AMOT: variants seen among roughly 807,000 people sequenced by gnomAD.
AMOT encodes the protein angiomotin.
A neutral mutation model predicts 67.0 loss-of-function variants in AMOT; 11 were observed. The observed-to-expected ratio is 0.16, with a 90% confidence interval of 0.10 to 0.27. AMOT has a LOEUF of 0.27. Ranked by LOEUF, AMOT falls within the 10% of genes least tolerant of loss-of-function variation. The probability of loss-of-function intolerance (pLI) is 1.00; values close to 1 mark genes in which losing one functional copy is unlikely to be tolerated. For synonymous variants in AMOT, 326 were observed against 321.4 expected (o/e 1.01, Z -0.15); for missense variants, 753 against 852.0 (o/e 0.88, Z 1.45).
At chrX:112,838,991 A>C (rs1029050175) in intron 1 of AMOT, among the ~76,000 whole-genome samples, 2 of 112,628 alleles carry the variant, frequency 1.8e-5, no homozygotes, top group Admixed American at 9.4e-5. Flanking sequence ...CAGGCCAGTT[A>C]TAAAATGTAG....
intron 11 of AMOT, among the ~76,000 whole-genome samples, chrX:112,781,818 C>T (rs953056677): frequency 8.9e-6 from 1 of 111,772 alleles, no homozygotes; most frequent in Non-Finnish European, 1.9e-5. Context: ...CGACAACCTG[C>T]AGGTAGTAAG....
At chrX:112,785,133 C>T (rs1296801222) in intron 10 of AMOT, among the ~76,000 whole-genome samples, 1 of 112,028 alleles carries the variant, frequency 8.9e-6, no homozygotes, top group Non-Finnish European at 1.9e-5. Flanking sequence ...TCCAATACTC[C>T]AAGACGTTCT....
At chrX:112,839,410 T>C (rs1935228469) in intron 1 of AMOT, among the ~76,000 whole-genome samples, 1 of 112,191 alleles carries the variant, frequency 8.9e-6, no homozygotes, top group Admixed American at 9.4e-5. Context: ...CCTTCATCAT[T>C]GAAGATTATG....
chrX:112,785,260 T>C (rs1324027532), intron 10 of AMOT, among the ~76,000 whole-genome samples: 2 of 112,234 alleles, frequency 1.8e-5, no homozygotes, highest in Non-Finnish European at 3.8e-5. Context: ...AGTAAACAGT[T>C]TGTCATCTTC....
In AMOT at chrX:112,822,675, C is replaced by G; in HGVS notation, c.452G>C (p.Arg151Pro). 1 of 1,166,483 alleles carries G rather than the reference C, an allele frequency of 8.6e-7. No homozygotes were observed. The highest frequency in any genetic ancestry group is 1.1e-6 in the Non-Finnish European group (1 of 872,954). ...TTGGTGCATCTTTCCAGGATTGAGC[C>G]GCTGAACTGATGGGCGTCCCTCAGT... ...MRTEGRPSVQ[R>P]LNPGKMHQDE... Residue 151 changes from arginine (R) to proline (P), a missense_variant, in exon 4 of 14, where the codon CGG becomes CCG. Arg to Pro is a moderately radical substitution (Grantham distance 103, BLOSUM62 -2). Transcript: ENST00000371959.
Position 112,779,687 on chromosome X carries a change from A to G in AMOT, c.2474-7T>C, listed in dbSNP as rs374061053. 4 of 1,164,709 alleles carry G rather than the reference A, an allele frequency of 3.4e-6. No individual in the cohort carries two copies. In the African/African-American group the frequency reaches 7.1e-5, roughly 21 times the overall value. Reference sequence around the variant, plus strand: ...TCTCCACCCAGGAGAATGCCTACAAATGAAAGAGGAACAGATGTTAGAAAA... The same window carrying G: ...TCTCCACCCAGGAGAATGCCTACAAGTGAAAGAGGAACAGATGTTAGAAAA... On this transcript the variant is annotated splice_polypyrimidine_tract_variant and splice_region_variant and intron_variant, in intron 12 of 13. Coordinates refer to ENST00000371959, the MANE Select transcript of AMOT (RefSeq NM_001113490.2).
chrX:112,819,367 G>C, intron 4 of AMOT: 4 of 754,261 alleles, frequency 5.3e-6, no homozygotes, highest in Non-Finnish European at 6.3e-6. Context: ...GTGAATCGGT[G>C]AATCTGTGAA....
chrX:112,775,012 T>A lies in AMOT; in HGVS notation c.*3555A>T, dbSNP rs1812421138. The A allele has an allele frequency of 8.9e-6, 1 of 112,285 alleles. No homozygotes were observed. Among genetic ancestry groups the A allele is most frequent in the South Asian group, 3.7e-4 (1 of 2,681 alleles). The allele number at this position is 112,285 out of a possible 1,213,427, so 9.3% of individuals were successfully genotyped here. A position where few individuals can be genotyped will look rare whatever the true frequency, so the allele number is the denominator to read the frequency against. ...AATCATTAGGGGACCACATACATTT[T>A]AAACCAAAGGCGATTCTTCTCTAGC... On this transcript the variant is annotated 3_prime_UTR_variant, in exon 14 of 14. Coordinates refer to ENST00000371959, the MANE Select transcript of AMOT (RefSeq NM_001113490.2).
chrX:112,775,993 A>G lies in AMOT; in HGVS notation c.*2574T>C, dbSNP rs1365092229. 2 of 112,392 alleles carry G rather than the reference A, an allele frequency of 1.8e-5. No individual in the cohort carries two copies. The highest frequency in any genetic ancestry group is 6.5e-5 in the African/African-American group (2 of 30,865). 9.3% of individuals were successfully genotyped at this position (112,392 alleles called of 1,213,427 possible). On this transcript the variant is annotated 3_prime_UTR_variant, in exon 14 of 14. Coordinates refer to ENST00000371959, the MANE Select transcript of AMOT (RefSeq NM_001113490.2). ...AGTGGAGATCTTCTGAAAAGGCTGT[A>G]TCTATCTTCTGCATAATATACTGAC...
chrX:112,838,790 A>G (rs1254381779), intron 1 of AMOT, among the ~76,000 whole-genome samples: 3 of 112,739 alleles, frequency 2.7e-5, no homozygotes, highest in African/African-American at 9.7e-5. Flanking sequence ...GTGAAGGTAG[A>G]AAAAGCACTT....
intron 8 of AMOT, among the ~76,000 whole-genome samples, chrX:112,803,217 A>G (rs943370183): frequency 1.8e-5 from 2 of 112,225 alleles, no homozygotes; most frequent in African/African-American, 6.5e-5. Context: ...GACAGGGAGA[A>G]AGGCAGCAGG....
chrX:112,822,489 C>T lies in AMOT; in HGVS notation c.638G>A (p.Ser213Asn), dbSNP rs1399440790. ...QPNDLYKNPT[S>N]SSEFYKAQGP... The stretch of plus-strand genomic sequence containing the variant: ...TTGGGCCTTGTAGAATTCACTGGAA[C>T]TTGTGGGATTCTTGTAGAGGTCATT... The change falls in exon 4 of 14, where the codon AGT (serine) becomes AAT (asparagine). Residue 213 changes from serine to asparagine, a missense_variant. Physicochemically the swap from Ser to Asn is conservative, Grantham distance 46 (BLOSUM62 1). Coordinates refer to ENST00000371959, the MANE Select transcript of AMOT (RefSeq NM_001113490.2). The T allele has an allele frequency of 8.6e-7, 1 of 1,166,013 alleles. No individual in the cohort carries two copies. Among genetic ancestry groups the T allele is most frequent in the East Asian group, 3.3e-5 (1 of 30,689 alleles).
intron 12 of AMOT, chrX:112,780,618 G>C (rs1933119978): frequency 2.6e-6 from 1 of 384,306 alleles, no homozygotes; most frequent in Non-Finnish European, 4.5e-6. Context: ...GAGGAAATTA[G>C]AGTTATCTTC....
chrX:112,813,294 A>G (rs1470938211), intron 5 of AMOT, among the ~76,000 whole-genome samples: 1 of 111,738 alleles, frequency 8.9e-6, no homozygotes, highest in African/African-American at 3.3e-5. Context: ...CCATCACAGA[A>G]GGATATATCC....
chrX:112,819,262 C>A (rs1602820790), intron 4 of AMOT: 1 of 538,635 alleles, frequency 1.9e-6, no homozygotes, highest in Middle Eastern at 1.1e-3. Flanking sequence ...ATGTGCAATC[C>A]TGCACACACA....
intron 10 of AMOT, among the ~76,000 whole-genome samples, chrX:112,786,778 T>C (rs1746359592): frequency 8.9e-6 from 1 of 112,483 alleles, no homozygotes; most frequent in Non-Finnish European, 1.9e-5. Context: ...CTGTGTGTGA[T>C]CTTGGGCAAA....
chrX:112,811,219 G>A, intron 6 of AMOT, 30 bp downstream of exon 6: 1 of 1,206,725 alleles, frequency 8.3e-7, no homozygotes, highest in Non-Finnish European at 1.1e-6. Context: ...TGCTTCAGAA[G>A]TACAAAGACA....
intron 4 of AMOT, 34 bp downstream of exon 4, chrX:112,822,221 A>T: frequency 1.9e-6 from 2 of 1,072,176 alleles, no homozygotes; most frequent in Non-Finnish European, 2.4e-6. Flanking sequence ...GTTGGGGATG[A>T]GGTCAGGAAA....
chrX:112,776,012 T>C lies in AMOT; in HGVS notation c.*2555A>G, dbSNP rs1055407988. ...GGCTGTATCTATCTTCTGCATAATA[T>C]ACTGACATACTCTTCTTCCCTCTCT... On this transcript the variant is annotated 3_prime_UTR_variant, in exon 14 of 14. Transcript: ENST00000371959. 1 of 112,823 alleles carries C rather than the reference T, an allele frequency of 8.9e-6. No homozygotes were observed. The highest frequency in any genetic ancestry group is 9.4e-5 in the Admixed American group (1 of 10,670). 9.3% of individuals were successfully genotyped at this position (112,823 alleles called of 1,213,427 possible).
Sources: gnomAD v4.1 joint callset for allele counts (sites outside exome capture counted in the v4.1 genomes callset) on GRCh38, gnomAD v4.1.1 for gene constraint, MANE v1.5 for transcripts, NCBI Gene and HGNC (gene_info 2026-07-23, HGNC 2026-07-21) for gene names.